Variants in SLC26A1 observed in about 807,000 individuals in gnomAD.
The protein encoded by SLC26A1 is solute carrier family 26 member 1, also known as sulfate anion transporter 1.
In SLC26A1, 18 loss-of-function variants were observed where a neutral mutation model predicts 14.5. The observed-to-expected ratio is 1.24, with a 90% confidence interval of 0.86 to 1.84. SLC26A1 has a LOEUF of 1.84. Among genes scored for constraint, SLC26A1 ranks in the 40% most tolerant of loss-of-function variants. The pLI is 0.00. For synonymous variants in SLC26A1, 505 were observed against 492.0 expected, an observed-to-expected ratio of 1.03 and a Z score of -0.35; for missense variants, 1,049 against 1,020.0, an observed-to-expected ratio of 1.03 and a Z score of -0.39.
chr4:990,886 C>A, intron 2 of SLC26A1: 1 of 517,984 alleles, frequency 1.9e-6, no homozygotes. Context: ...TGGTCCCCAC[C>A]AAGGCCATGG....
At chr4:981,458 A>G (rs956487637) in intron 2 of SLC26A1, among the ~76,000 whole-genome samples, 1 of 151,816 alleles carries the variant, frequency 6.6e-6, no homozygotes, top group East Asian at 2.0e-4. Flanking sequence ...GACAACAGAG[A>G]GGGACCCTAT....
At chr4:984,386 T>C (rs1414836078), downstream of SLC26A1, among the ~76,000 whole-genome samples, 1 of 152,258 alleles carries the variant, frequency 6.6e-6, no homozygotes, top group Non-Finnish European at 1.5e-5. Flanking sequence ...AGTCTCTGTA[T>C]GTAATCTAAA....
downstream of SLC26A1, chr4:987,058 C>A (rs774596398): frequency 6.6e-7 from 1 of 1,511,990 alleles, no homozygotes; most frequent in South Asian, 1.2e-5. Context: ...CAGCCCGAAG[C>A]CCCGCAGTCC....
Position 987,988 on chromosome 4 carries a change from T to C in SLC26A1, c.*845A>G, listed in dbSNP as rs1281087303. ...AGGGTCTGGGCGTCCCAGAGCCCCT[T>C]ACAGAGGCACAGATGGGAGGGGAGG... On this transcript the variant is annotated 3_prime_UTR_variant, in exon 3 of 3. Transcript: ENST00000398516. 7.1e-6 allele frequency: 11 copies of C among 1,540,192 alleles called. No individual in the cohort carries two copies. In the Middle Eastern group the frequency reaches 7.8e-4, roughly 109 times the overall value.
chr4:988,673 C>T lies in SLC26A1; in HGVS notation c.*160G>A, dbSNP rs1713945573. Reference sequence around the variant, plus strand: ...GGTCCTGCGTGTGATCAGAGGGCCTCCTTTCCCAGTTGGGGTTCCCCGGTT... The same window carrying T: ...GGTCCTGCGTGTGATCAGAGGGCCTTCTTTCCCAGTTGGGGTTCCCCGGTT... On this transcript the variant is annotated 3_prime_UTR_variant, in exon 3 of 3. Transcript: ENST00000398516. The T allele has an allele frequency of 2.8e-5, 40 of 1,415,180 alleles. No individual in the cohort carries two copies. The highest frequency in any genetic ancestry group is 3.7e-5 in the Non-Finnish European group (40 of 1,090,142). The allele number at this position is 1,415,180 out of a possible 1,614,324, so 87.7% of individuals were successfully genotyped here. A position where few individuals can be genotyped will look rare whatever the true frequency, so the allele number is the denominator to read the frequency against.
At chr4:993,166 G>A (rs1231880473) in intron 1 of SLC26A1, 135 bp downstream of exon 1, 2 of 152,256 alleles carry the variant, frequency 1.3e-5, no homozygotes, top group East Asian at 3.8e-4. Context: ...CCAGGTGTGT[G>A]GAATGGGGAC....
intron 2 of SLC26A1, chr4:990,626 T>A: frequency 1.9e-6 from 1 of 515,062 alleles, no homozygotes; most frequent in South Asian, 2.8e-5. Context: ...CCTTGTCACG[T>A]GCAGCAGCCC....
At chr4:981,867 G>A (rs1327068757) in intron 2 of SLC26A1, among the ~76,000 whole-genome samples, 3 of 151,438 alleles carry the variant, frequency 2.0e-5, no homozygotes, top group African/African-American at 7.3e-5. Flanking sequence ...CCAGGCTGGA[G>A]TGCAGTGGCG....
chr4:989,261 TG>T lies in SLC26A1; in HGVS notation c.1677del (p.Tyr559Ter), dbSNP rs778770773. 29 of 1,612,502 alleles carry T rather than the reference TG, an allele frequency of 1.8e-5. No individual in the cohort carries two copies. The East Asian group carries it at 6.5e-4, about 36-fold the overall frequency. ...ANKDFFLQSLYSLTGLDAGCM... is the reference protein window; with the variant it reads ...ANKDFFLQSLXSLTGLDAGCM... ...CACCCTGCGTCCAGCCCCGTGAGGC[TG>T]TAGAGTGACTGCAGGAAGAAGTCCT... On this transcript the variant is annotated frameshift_variant, in exon 3 of 3. Coordinates refer to ENST00000398516, the MANE Select transcript of SLC26A1 (RefSeq NM_022042.4). LOFTEE classifies it low-confidence loss of function (END_TRUNC).
chr4:991,924 C>G lies in SLC26A1; in HGVS notation c.-27-194G>C, dbSNP rs1046945639. On this transcript the variant is annotated intron_variant, in intron 1 of 2. Coordinates refer to ENST00000398516, the MANE Select transcript of SLC26A1 (RefSeq NM_022042.4). ...GGATGGACGCTGGGCCCTGCTGGAT[C>G]CAGAATCCATCGTGAGGTGAGATGG... is the stretch of plus-strand genomic sequence containing the variant. 7.0e-6 allele frequency: 7 copies of G among 1,000,650 alleles called. No homozygotes were observed. The Middle Eastern group carries it at 1.4e-3, about 200-fold the overall frequency. 62.0% of individuals were successfully genotyped at this position (1,000,650 alleles called of 1,614,324 possible). A position where few individuals can be genotyped will look rare whatever the true frequency, so the allele number is the denominator to read the frequency against.
chr4:980,843 G>A (rs1298618115), intron 2 of SLC26A1, among the ~76,000 whole-genome samples: 1 of 151,978 alleles, frequency 6.6e-6, no homozygotes, highest in African/African-American at 2.4e-5. Context: ...TAAACAGAAA[G>A]AAGGATGGGG....
intron 1 of SLC26A1, 195 bp from the exon 2 acceptor site, chr4:991,925 C>A (rs1215223114): frequency 1.0e-6 from 1 of 988,306 alleles, no homozygotes; most frequent in Admixed American, 2.0e-5. Context: ...CTGCTGGATC[C>A]AGAATCCATC....
At chr4:987,148 C>G (rs1001972534), downstream of SLC26A1, 7 of 1,415,660 alleles carry the variant, frequency 4.9e-6, no homozygotes, top group African/African-American at 9.0e-5. Context: ...GGCCGCGCCC[C>G]CGGTGGCCCC....
At chr4:983,767 C>T (rs1713618496), downstream of SLC26A1, among the ~76,000 whole-genome samples, 2 of 152,204 alleles carry the variant, frequency 1.3e-5, no homozygotes, top group South Asian at 4.1e-4. Flanking sequence ...ACTTCTTCCT[C>T]TGCACCTCTG....
Position 989,692 on chromosome 4 carries a change from C to G in SLC26A1, c.1247G>C (p.Ser416Thr), listed in dbSNP as rs763785623. The stretch of plus-strand genomic sequence containing the variant: ...CAGCACCACGGTGGCGCTGACCACG[C>G]TGGACAGCTGTGTCCGGCAGCCAGT... Reference protein sequence around the residue: ...TATGCRTQLSSVVSATVVLLV... With the variant: ...TATGCRTQLSTVVSATVVLLV... The change falls in exon 3 of 3, where the codon AGC (serine) becomes ACC (threonine). Residue 416 changes from serine to threonine, a missense_variant. Transcript: ENST00000398516. The G allele has an allele frequency of 1.9e-6, 3 of 1,562,996 alleles. No individual in the cohort carries two copies. The highest frequency in any genetic ancestry group is 2.6e-6 in the Non-Finnish European group (3 of 1,154,450).
At position 989,136 on chromosome 4, in the gene SLC26A1, C is replaced by A. The variant is rs749299830; in HGVS notation, c.1803G>T (p.Ala601=). 1.2e-6 allele frequency: 2 copies of A among 1,607,362 alleles called. No individual in the cohort carries two copies. The highest frequency in any genetic ancestry group is 1.1e-5 in the South Asian group (1 of 90,470). Residue 601 remains alanine, a synonymous_variant, in exon 3 of 3, where the codon GCG becomes GCT. Coordinates refer to ENST00000398516, the MANE Select transcript of SLC26A1 (RefSeq NM_022042.4). ...GGAAGCCGGCCGCTGCGGGCACCAG[C>A]GCAGCCCTGGTGCTAACCGGGCCCA... ...EDLGPVSTRA[A]LVPAAAGFHT...
Position 991,583 on chromosome 4 carries a change from A to G in SLC26A1, c.121T>C (p.Cys41Arg), listed in dbSNP as rs1397492576. 2 of 1,599,660 alleles carry G rather than the reference A, an allele frequency of 1.3e-6. No individual in the cohort carries two copies. Among genetic ancestry groups the G allele is most frequent in the Non-Finnish European group, 1.7e-6 (2 of 1,177,278 alleles). Residue 41 changes from cysteine to arginine, a missense_variant, in exon 2 of 3, where the codon TGC becomes CGC. Coordinates refer to ENST00000398516, the MANE Select transcript of SLC26A1 (RefSeq NM_022042.4). ...LKARLWCSCS[C>R]SVLCVRALVQ... ...AGCGCCCGGACGCACAGCACACTGCACGAGCAGCTGCACCACAGCCTGGCC... is the reference window on the plus strand; with the variant it reads ...AGCGCCCGGACGCACAGCACACTGCGCGAGCAGCTGCACCACAGCCTGGCC...
Position 991,207 on chromosome 4 carries a change from G to T in SLC26A1, c.497C>A (p.Ala166Asp), listed in dbSNP as rs1338985350. Residue 166 changes from alanine (A) to aspartate (D), a missense_variant, in exon 2 of 3, where the codon GCT (alanine) becomes GAT (aspartate). Coordinates refer to ENST00000398516, the MANE Select transcript of SLC26A1 (RefSeq NM_022042.4). Reference protein sequence around the residue: ...GANSSTLNGSAAMLDCGRDCY... With the variant: ...GANSSTLNGSDAMLDCGRDCY... ...GTCACGCCCGCAGTCCAGCATGGCA[G>T]CCGAGCCGTTGAGGGTGCTGCTGTT... 6.2e-7 allele frequency: 1 copy of T among 1,605,190 alleles called. No individual in the cohort carries two copies. Among genetic ancestry groups the T allele is most frequent in the African/African-American group, 1.3e-5 (1 of 74,958 alleles).
At position 991,503 on chromosome 4, in the gene SLC26A1, C is replaced by G; in HGVS notation, c.201G>C (p.Glu67Asp). 6.2e-7 allele frequency: 1 copy of G among 1,609,658 alleles called. No individual in the cohort carries two copies. The highest frequency in any genetic ancestry group is 8.5e-7 in the Non-Finnish European group (1 of 1,177,622). The change falls in exon 2 of 3, where the codon GAG (glutamate) becomes GAC (aspartate). Residue 67 changes from glutamate (E) to aspartate (D), a missense_variant. Glu to Asp is a conservative substitution (Grantham distance 45). Coordinates refer to ENST00000398516, the MANE Select transcript of SLC26A1 (RefSeq NM_022042.4). ...TRWLRQYRPR[E>D]YLAGDVMSGL... is the part of the protein sequence containing the mutation. ...CAGACATGACGTCGCCTGCCAGGTA[C>G]TCCCGCGGGCGGTACTGACGCAGCC...
Sources: gnomAD v4.1 joint callset for allele counts (sites outside exome capture counted in the v4.1 genomes callset) on GRCh38, gnomAD v4.1.1 for gene constraint, MANE v1.5 for transcripts, NCBI Gene and HGNC (gene_info 2026-07-23, HGNC 2026-07-21) for gene names.